Variants in AK4 observed in about 807,000 individuals in gnomAD.
AK4 encodes adenylate kinase 4.
In AK4, 13 loss-of-function variants were observed where a neutral mutation model predicts 24.6. The ratio of observed to expected loss-of-function variants is 0.53; its 90% CI spans 0.34 to 0.84. The LOEUF is 0.84. AK4 is among the 40% of genes least tolerant of loss of function. AK4 has a pLI of 0.01. For missense variants in AK4, 192 were observed against 288.2 expected (o/e 0.67, Z 2.42); for synonymous variants, 88 against 107.0 (o/e 0.82, Z 1.10).
chr1:65,201,353 T>G (rs989848093), intron 2 of AK4, among the ~76,000 whole-genome samples: 6 of 152,152 alleles, frequency 3.9e-5, no homozygotes, highest in Admixed American at 3.3e-4. Flanking sequence ...TTGAACTGAC[T>G]GCTGCTTTGG....
chr1:65,157,463 T>G (rs183889094), intron 1 of AK4, among the ~76,000 whole-genome samples: 1 of 152,172 alleles, frequency 6.6e-6, no homozygotes, highest in East Asian at 1.9e-4. Context: ...AGGCAGGCAG[T>G]CAGACAGGCA....
intron 1 of AK4, chr1:65,165,942 A>T (rs1052405498): frequency 6.6e-6 from 1 of 152,320 alleles, no homozygotes; most frequent in African/African-American, 2.4e-5. Context: ...CAGTCCAGGC[A>T]TGAAGAGGAT....
intron 2 of AK4, among the ~76,000 whole-genome samples, chr1:65,201,125 G>A (rs868468435): frequency 1.8e-4 from 27 of 152,106 alleles, no homozygotes; most frequent in East Asian, 3.9e-4. Flanking sequence ...TAGGCAGTGA[G>A]GGTTATCTTT....
In AK4 at chr1:65,201,306, G is replaced by A. The variant is rs116350637; in HGVS notation, c.265+10477G>A. On this transcript the variant is annotated intron_variant, in intron 2 of 4. Coordinates refer to ENST00000327299, the MANE Select transcript of AK4 (RefSeq NM_013410.4). Reference sequence around the variant, plus strand: ...TTGTTATAGATTCTGTCCTGCGTTCGTGTCCTCCATGTCCATTTCCAGTGT... The same window carrying A: ...TTGTTATAGATTCTGTCCTGCGTTCATGTCCTCCATGTCCATTTCCAGTGT... Among the ~76,000 whole-genome samples the A allele has an allele frequency of 3.9e-3, 595 of 152,188 alleles. 3 individuals are homozygous for A. Among genetic ancestry groups the A allele is most frequent in the African/African-American group, 0.013 (553 of 41,524 alleles).
At chr1:65,153,871 C>T (rs891590540) in intron 1 of AK4, among the ~76,000 whole-genome samples, 7 of 152,016 alleles carry the variant, frequency 4.6e-5, no homozygotes, top group Non-Finnish European at 7.4e-5. Flanking sequence ...ATTAGCATAG[C>T]GTGTCTGAGG....
At chr1:65,160,726 CAG>C (rs1650131654) in intron 1 of AK4, among the ~76,000 whole-genome samples, 1 of 152,042 alleles carries the variant, frequency 6.6e-6, no homozygotes, top group East Asian at 1.9e-4. Flanking sequence ...TCCAGAGTAG[CAG>C]GGACTACAGG....
At chr1:65,151,338 C>G (rs1239375000) in intron 1 of AK4, among the ~76,000 whole-genome samples, 1 of 152,166 alleles carries the variant, frequency 6.6e-6, no homozygotes, top group Non-Finnish European at 1.5e-5. Flanking sequence ...AAATGCCTGT[C>G]TCACACCCAG....
chr1:65,172,795 G>A (rs984716431), intron 1 of AK4, among the ~76,000 whole-genome samples: 7 of 151,162 alleles, frequency 4.6e-5, no homozygotes, highest in African/African-American at 7.3e-5. Flanking sequence ...GATGAAATGC[G>A]ATGCTTTCTT....
At chr1:65,156,950 T>C (rs1200425871) in intron 1 of AK4, among the ~76,000 whole-genome samples, 1 of 147,852 alleles carries the variant, frequency 6.8e-6, no homozygotes, top group African/African-American at 2.5e-5. Context: ...AGAAAGAAAA[T>C]TGAGAAAATT....
intron 1 of AK4, among the ~76,000 whole-genome samples, chr1:65,186,387 C>G (rs1322057753): frequency 6.6e-6 from 1 of 152,166 alleles, no homozygotes; most frequent in Non-Finnish European, 1.5e-5. Flanking sequence ...CCTTGGCCTC[C>G]CAAAGCACTG....
chr1:65,167,024 C>T (rs1650354657), intron 1 of AK4, among the ~76,000 whole-genome samples: 1 of 152,130 alleles, frequency 6.6e-6, no homozygotes. Flanking sequence ...CTCAGCTACT[C>T]AGAGGGCTGA....
chr1:65,215,096 C>T (rs903955944), intron 2 of AK4, among the ~76,000 whole-genome samples: 1 of 152,106 alleles, frequency 6.6e-6, no homozygotes, highest in African/African-American at 2.4e-5. Flanking sequence ...AGATGTTCTA[C>T]TCTAGGAAAG....
intron 1 of AK4, among the ~76,000 whole-genome samples, chr1:65,185,007 C>T (rs1651049171): frequency 6.6e-6 from 1 of 152,162 alleles, no homozygotes; most frequent in African/African-American, 2.4e-5. Context: ...AGTAAGATGC[C>T]TCTGGAAGTC....
rs79045188 is a variant in AK4, at chr1:65,183,944, C to A, written c.146-6766C>A. ...GAATTGAGGCTAACAAAATATCTTT[C>A]CATATCCTGGAAGCATGAATTTTGG... is the stretch of plus-strand genomic sequence containing the variant. On this transcript the variant is annotated intron_variant, in intron 1 of 4. Transcript: ENST00000327299. Among the ~76,000 whole-genome samples the A allele has an allele frequency of 5.3e-3, 801 of 152,202 alleles. 9 individuals carry two copies. The highest frequency in any genetic ancestry group is 0.018 in the African/African-American group (751 of 41,528).
intron 2 of AK4, among the ~76,000 whole-genome samples, chr1:65,216,712 G>T (rs1202321395): frequency 1.5e-5 from 2 of 135,408 alleles, no homozygotes; most frequent in Admixed American, 1.4e-4. Context: ...TTTGAGACAG[G>T]AGCTCACTAT....
At chr1:65,152,354 C>CTATA (rs1649808921) in intron 1 of AK4, among the ~76,000 whole-genome samples, 18 of 38,000 alleles carry the variant, frequency 4.7e-4, no homozygotes, top group African/African-American at 6.0e-4. Context: ...CTCTCTCTCT[C>CTATA]TCTCTCTATA....
At chr1:65,164,412 C>G (rs1437499589) in intron 1 of AK4, among the ~76,000 whole-genome samples, 3 of 152,050 alleles carry the variant, frequency 2.0e-5, no homozygotes, top group Non-Finnish European at 4.4e-5. Flanking sequence ...TTGCTTTAAC[C>G]ACCCCTCCCT....
At chr1:65,194,824 C>T (rs1651419280) in intron 2 of AK4, among the ~76,000 whole-genome samples, 2 of 152,176 alleles carry the variant, frequency 1.3e-5, no homozygotes, top group African/African-American at 2.4e-5. Context: ...CTTCTGAGTC[C>T]TCATCAGAAT....
rs910388716 is a variant in AK4 at position 65,171,923 on chromosome 1, A to G, written c.146-18787A>G. Among the ~76,000 whole-genome samples the G allele has an allele frequency of 5.3e-5, 8 of 150,988 alleles. No individual in the cohort carries two copies. The South Asian group carries it at 1.3e-3, about 24-fold the overall frequency. ...GCTCTAGTAAAAATAAAAAATTAGC[A>G]TGGTGGCACATGCCTATAATCCCCG... On this transcript the variant is annotated intron_variant, in intron 1 of 4. Transcript: ENST00000327299.
Sources: allele counts gnomAD v4.1 joint callset (sites outside exome capture counted in the v4.1 genomes callset), GRCh38; gene constraint gnomAD v4.1.1; transcripts MANE v1.5; gene names NCBI Gene and HGNC (gene_info 2026-07-23, HGNC 2026-07-21).